The following WASF3 variants were observed in gnomAD, a reference collection of about 807,000 sequenced individuals.
WASF3 encodes actin-binding protein WASF3.
A neutral mutation model predicts 46.6 loss-of-function variants in WASF3; 11 were observed. The observed-to-expected ratio is 0.24, with a 90% CI of 0.15 to 0.39. The LOEUF is 0.39. WASF3 is among the 10% of genes least tolerant of loss of function. The probability of loss-of-function intolerance (pLI) is 1.00; values close to 1 mark genes in which losing one functional copy is unlikely to be tolerated. For synonymous variants in WASF3, 242 were observed against 259.7 expected (o/e 0.93, Z 0.65); for missense variants, 576 against 669.8 (o/e 0.86, Z 1.55).
chr13:26,621,864 T>C (rs1358084137), intron 2 of WASF3, among the ~76,000 whole-genome samples: 1 of 152,050 alleles, frequency 6.6e-6, no homozygotes, highest in African/African-American at 2.4e-5. Context: ...GGCACTTAAC[T>C]CCAAGCAGAG....
At chr13:26,572,858 T>C (rs1879681743) in intron 1 of WASF3, among the ~76,000 whole-genome samples, 4 of 152,198 alleles carry the variant, frequency 2.6e-5, no homozygotes, top group Admixed American at 2.6e-4. Context: ...TGGCCTGGTA[T>C]AAACTCTTAA....
chr13:26,644,332 T>C (rs1365694797), intron 3 of WASF3, among the ~76,000 whole-genome samples: 2 of 152,224 alleles, frequency 1.3e-5, no homozygotes. Context: ...TTTTAAGCTG[T>C]TATGTTTGTG....
At chr13:26,637,142 C>T (rs1397093972) in intron 2 of WASF3, among the ~76,000 whole-genome samples, 1 of 152,132 alleles carries the variant, frequency 6.6e-6, no homozygotes, top group Non-Finnish European at 1.5e-5. Flanking sequence ...TGCTGGAATT[C>T]GTATTTTGTT....
At chr13:26,567,064 C>G (rs969933538) in intron 1 of WASF3, among the ~76,000 whole-genome samples, 6 of 152,188 alleles carry the variant, frequency 3.9e-5, no homozygotes, top group Non-Finnish European at 7.3e-5. Flanking sequence ...GTACATTGAA[C>G]AGTGGTTCTT....
chr13:26,684,688 T>C (rs1056652031), intron 9 of WASF3, among the ~76,000 whole-genome samples: 16 of 152,198 alleles, frequency 1.1e-4, no homozygotes, highest in Admixed American at 1.0e-3. Context: ...GGACATTATA[T>C]GCCATTCACT....
intron 7 of WASF3, among the ~76,000 whole-genome samples, chr13:26,678,428 CAT>C (rs947606699): frequency 3.3e-5 from 5 of 151,996 alleles, no homozygotes; most frequent in African/African-American, 9.7e-5. Flanking sequence ...TTTTTCTATA[CAT>C]GTGTTTCTTT....
intron 3 of WASF3, among the ~76,000 whole-genome samples, chr13:26,646,953 TTAGA>T (rs1437971683): frequency 5.3e-4 from 81 of 152,342 alleles, no homozygotes; most frequent in African/African-American, 1.9e-3. Flanking sequence ...GAATCTGGTC[TTAGA>T]TAGCAAATGG....
chr13:26,613,894 C>G (rs639115), intron 2 of WASF3, among the ~76,000 whole-genome samples: 128,407 of 152,148 alleles, frequency 0.84, 54,219 homozygotes, highest in East Asian at 0.9. Context: ...ATTTCAGTGA[C>G]CTGTCTTACT....
intron 1 of WASF3, among the ~76,000 whole-genome samples, chr13:26,571,422 A>G (rs1486186602): frequency 6.6e-6 from 1 of 152,166 alleles, no homozygotes; most frequent in Non-Finnish European, 1.5e-5. Flanking sequence ...TCTGATATAT[A>G]TGGTGTGAGG....
chr13:26,575,413 G>A (rs983125049), intron 1 of WASF3, among the ~76,000 whole-genome samples: 5 of 152,026 alleles, frequency 3.3e-5, no homozygotes, highest in African/African-American at 1.2e-4. Context: ...TTTTGCTTAC[G>A]TTTCTTTAGT....
intron 1 of WASF3, among the ~76,000 whole-genome samples, chr13:26,560,980 A>G (rs1349782674): frequency 6.6e-6 from 1 of 152,116 alleles, no homozygotes; most frequent in Non-Finnish European, 1.5e-5. Context: ...GAATTGGTCG[A>G]AGTCTGGGTT....
chr13:26,677,367 A>T (rs945543062), intron 7 of WASF3, among the ~76,000 whole-genome samples: 31 of 152,236 alleles, frequency 2.0e-4, no homozygotes, highest in African/African-American at 7.2e-4. Flanking sequence ...ATGACTAGTC[A>T]ATTTTAACGT....
chr13:26,554,102 T>TCTTTCTTTCTTTCTTC (rs1879041568), upstream of WASF3, among the ~76,000 whole-genome samples: 1 of 115,562 alleles, frequency 8.7e-6, no homozygotes, highest in African/African-American at 3.8e-5. Context: ...CTTCCTTCTT[T>TCTTTCTTTCTTTCTTC]CTTTCTTTCT....
upstream of WASF3, among the ~76,000 whole-genome samples, chr13:26,557,332 G>A (rs997473133): frequency 6.6e-6 from 1 of 152,270 alleles, no homozygotes; most frequent in Non-Finnish European, 1.5e-5. Context: ...CACCCAGGGA[G>A]GATTAGGATA....
intron 7 of WASF3, chr13:26,680,068 C>T (rs750066812): frequency 1.3e-6 from 2 of 1,597,542 alleles, no homozygotes; most frequent in Non-Finnish European, 1.7e-6. Flanking sequence ...TAACAGAAAC[C>T]AGCAAGTAAA....
intron 1 of WASF3, among the ~76,000 whole-genome samples, chr13:26,558,458 A>C (rs1267354169): frequency 9.2e-6 from 1 of 108,208 alleles, no homozygotes; most frequent in Non-Finnish European, 2.3e-5. Context: ...GCGGCCCGCG[A>C]GTGCGGGGGA....
At chr13:26,564,172 T>C (rs544791029) in intron 1 of WASF3, among the ~76,000 whole-genome samples, 1 of 152,358 alleles carries the variant, frequency 6.6e-6, no homozygotes, top group Non-Finnish European at 1.5e-5. Context: ...ACCAAGCTGC[T>C]GCCCTCAGAA....
Position 26,686,026 on chromosome 13 carries a change from C to T in WASF3, c.*181C>T. On this transcript the variant is annotated 3_prime_UTR_variant, in exon 10 of 10. Coordinates refer to ENST00000335327, the MANE Select transcript of WASF3 (RefSeq NM_006646.6). ...GTATTTACTGTGTAATACTTAAGTG[C>T]CACTAAACATAGCAAATTGTGCTGC... 1 of 718,600 alleles carries T rather than the reference C, an allele frequency of 1.4e-6. No individual in the cohort carries two copies. The highest frequency in any genetic ancestry group is 2.2e-6 in the Non-Finnish European group (1 of 459,898). The allele number at this position is 718,600 out of a possible 1,614,324, so 44.5% of individuals were successfully genotyped here. A position where few individuals can be genotyped will look rare whatever the true frequency, so the allele number is the denominator to read the frequency against.
chr13:26,638,471 A>G (rs1449080668), intron 2 of WASF3: 2 of 152,212 alleles, frequency 1.3e-5, no homozygotes, highest in African/African-American at 2.4e-5. Context: ...TCATTGTTTT[A>G]TTCTTCACAG....
Sources: allele counts gnomAD v4.1 joint callset (sites outside exome capture counted in the v4.1 genomes callset), GRCh38; gene constraint gnomAD v4.1.1; transcripts MANE v1.5; gene names NCBI Gene and HGNC (gene_info 2026-07-23, HGNC 2026-07-21).